Variants in KMT2A observed in about 807,000 individuals in gnomAD.
KMT2A encodes the protein histone-lysine N-methyltransferase 2A.
In KMT2A, 16 loss-of-function variants were observed where a neutral mutation model predicts 345.3. The observed-to-expected ratio is 0.05, with a 90% CI of 0.03 to 0.07. KMT2A has a LOEUF of 0.07. KMT2A is among the 10% of genes least tolerant of loss of function. The pLI is 1.00. For synonymous variants in KMT2A, 1,599 were observed against 1,778.6 expected, an observed-to-expected ratio of 0.90 and a Z score of 2.54; for missense variants, 3,272 against 4,841.6, an observed-to-expected ratio of 0.68 and a Z score of 9.62.
At chr11:118,470,162 C>T (rs1340731870) in intron 2 of KMT2A, among the ~76,000 whole-genome samples, 1 of 152,178 alleles carries the variant, frequency 6.6e-6, no homozygotes, top group Non-Finnish European at 1.5e-5. Context: ...TTCTACTTAT[C>T]TACCAAAAGA....
intron 1 of KMT2A, among the ~76,000 whole-genome samples, chr11:118,443,540 C>T (rs1949356965): frequency 6.6e-6 from 1 of 152,148 alleles, no homozygotes; most frequent in Non-Finnish European, 1.5e-5. Flanking sequence ...TGATATAAAT[C>T]CCCTTGAAGG....
Position 118,489,892 on chromosome 11 carries a change from G to A in KMT2A, c.4575+5G>A. ...ACAAAGAAGAAGAAAGTCTGGGTGA[G>A]TTATACACATGATGCTCTTTTATAG... On this transcript the variant is annotated splice_donor_5th_base_variant and intron_variant, in intron 12 of 35. Transcript: ENST00000534358. 1 of 1,611,426 alleles carries A rather than the reference G, an allele frequency of 6.2e-7. No homozygotes were observed. Among genetic ancestry groups the A allele is most frequent in the Non-Finnish European group, 8.5e-7 (1 of 1,177,536 alleles).
At chr11:118,511,333 C>T (rs1273034593) in intron 30 of KMT2A, among the ~76,000 whole-genome samples, 6 of 152,214 alleles carry the variant, frequency 3.9e-5, no homozygotes, top group Middle Eastern at 3.4e-3. Flanking sequence ...CCTAAAGATT[C>T]AGGCCTGGGT....
chr11:118,452,695 G>T (rs563073039), intron 1 of KMT2A, among the ~76,000 whole-genome samples: 92 of 148,288 alleles, frequency 6.2e-4, no homozygotes, highest in African/African-American at 2.2e-3. Flanking sequence ...GTGCAGTGGC[G>T]CCATCTCGGC....
rs535847778 is a variant in KMT2A, at chr11:118,504,216, T to C, written c.8324T>C (p.Val2775Ala). 2.5e-6 allele frequency: 4 copies of C among 1,614,156 alleles called. No homozygotes were observed. Among genetic ancestry groups the C allele is most frequent in the East Asian group, 2.2e-5 (1 of 44,888 alleles). Residue 2775 changes from valine to alanine, a missense_variant, in exon 27 of 36, where the codon GTT becomes GCT. Physicochemically the swap from Val to Ala is moderately conservative, Grantham distance 64. Around this residue, in one of 27 missense-constraint regions of KMT2A, gnomAD observed 100 missense variants for 101.3 expected, o/e 0.99. Coordinates refer to ENST00000534358, the MANE Select transcript of KMT2A (RefSeq NM_001197104.2). This position sits in a 1 kb window ranked among gnomAD's most constrained non-coding sequence, Gnocchi z 6.4. The stretch of plus-strand genomic sequence containing the variant: ...AAAGAACATGTCACTAAGAGTTCTG[T>C]TGGCCACAAAAATGAGCCAAAGATG... The part of the protein sequence containing the change: ...GEKEHVTKSS[V>A]GHKNEPKMDN...
At chr11:118,481,037 C>T (rs1555039035) in intron 6 of KMT2A, among the ~76,000 whole-genome samples, 1 of 152,150 alleles carries the variant, frequency 6.6e-6, no homozygotes, top group Admixed American at 6.5e-5. Flanking sequence ...GTAATAATCA[C>T]ATCAGGGTAC....
At chr11:118,466,562 T>A (rs997484702) in intron 1 of KMT2A, among the ~76,000 whole-genome samples, 1 of 152,138 alleles carries the variant, frequency 6.6e-6, no homozygotes, top group Non-Finnish European at 1.5e-5. Context: ...CGCCTGTAAA[T>A]CCCAGCACTT....
chr11:118,477,299 G>A lies in KMT2A; in HGVS notation c.3334+317G>A, dbSNP rs977447427. 1.9e-4 allele frequency among the ~76,000 whole-genome samples: 29 copies of A among 152,198 alleles called. 1 individual carries two copies. Among genetic ancestry groups the A allele is most frequent in the East Asian group, 1.9e-4 (1 of 5,188 alleles). On this transcript the variant is annotated intron_variant, in intron 4 of 35. Coordinates refer to ENST00000534358, the MANE Select transcript of KMT2A (RefSeq NM_001197104.2). ...TTGGCAAAGCTGTCCAGGAGTCTTT[G>A]AGTAAAAGTGGACTGTCAGGGGAGT...
Position 118,495,151 on chromosome 11 carries a change from T to G in KMT2A, c.5363+384T>G, listed in dbSNP as rs778180072. 6.0e-5 allele frequency among the ~76,000 whole-genome samples: 9 copies of G among 150,876 alleles called. No individual in the cohort carries two copies. The highest frequency in any genetic ancestry group is 1.9e-4 in the East Asian group (1 of 5,172). ...CCAGTAAATTCTTTTGATTTGATTT[T>G]ATTTATTTATTTATTTTTTTTTTTT... is the stretch of plus-strand genomic sequence containing the variant. On this transcript the variant is annotated intron_variant, in intron 18 of 35. Transcript: ENST00000534358. This position sits in a 1 kb window ranked among gnomAD's most constrained non-coding sequence, Gnocchi z 4.1.
In KMT2A at chr11:118,503,310, C is replaced by T. The variant is rs2134391778; in HGVS notation, c.7418C>T (p.Thr2473Ile). 1 of 1,614,062 alleles carries T rather than the reference C, an allele frequency of 6.2e-7. No individual in the cohort carries two copies. The highest frequency in any genetic ancestry group is 1.1e-5 in the South Asian group (1 of 91,076). Residue 2473 changes from threonine to isoleucine, a missense_variant, in exon 27 of 36, where the codon ACT (threonine) becomes ATT (isoleucine). Physicochemically the swap from Thr to Ile is moderately conservative, Grantham distance 89. Around this residue, in one of 27 missense-constraint regions of KMT2A, gnomAD observed 445 missense variants for 500.9 expected, o/e 0.89. Coordinates refer to ENST00000534358, the MANE Select transcript of KMT2A (RefSeq NM_001197104.2). This position sits in a 1 kb window ranked among gnomAD's most constrained non-coding sequence, Gnocchi z 5.3. ...CCAGAGTTTATGGATGAGGTTTTGA[C>T]TCCTGAGTATATGGGCCAACGACCA... ...LKPEFMDEVL[T>I]PEYMGQRPCN...
At chr11:118,483,470 C>T (rs1181759161) in intron 8 of KMT2A, among the ~76,000 whole-genome samples, 3 of 152,104 alleles carry the variant, frequency 2.0e-5, no homozygotes, top group Non-Finnish European at 2.9e-5. Flanking sequence ...GGGGCGGAGC[C>T]TGCAGTGAGC....
In KMT2A at chr11:118,476,895, C is replaced by A. The variant is rs782451966; in HGVS notation, c.3247C>A (p.Arg1083=). Reference sequence around the variant, plus strand: ...AGCAGCTGTTGCCCTTGGCCGAAAACGAGCTGTGTTTCCTGATGACATGCC... The same window carrying A: ...AGCAGCTGTTGCCCTTGGCCGAAAAAGAGCTGTGTTTCCTGATGACATGCC... ...RRAAVALGRK[R]AVFPDDMPTL... is the part of the protein sequence containing the mutation. Residue 1083 remains arginine (R), a synonymous_variant, in exon 4 of 36, where the codon CGA becomes AGA. Coordinates refer to ENST00000534358, the MANE Select transcript of KMT2A (RefSeq NM_001197104.2). The surrounding 1 kb of genome is among the most constrained non-coding windows in gnomAD (Gnocchi z 4.1). 2 of 1,614,172 alleles carry A rather than the reference C, an allele frequency of 1.2e-6. No individual in the cohort carries two copies. Among genetic ancestry groups the A allele is most frequent in the Non-Finnish European group, 1.7e-6 (2 of 1,180,026 alleles).
chr11:118,472,215 T>C lies in KMT2A; in HGVS notation c.1056T>C (p.Pro352=). 2 of 1,613,860 alleles carry C rather than the reference T, an allele frequency of 1.2e-6. No individual in the cohort carries two copies. The highest frequency in any genetic ancestry group is 1.7e-6 in the Non-Finnish European group (2 of 1,179,986). Reference sequence around the variant, plus strand: ...ATAAGACAGTTGTCAGACAAAGCCCTCGAAGGATTAAGCCAGTTAGGATTA... The same window carrying C: ...ATAAGACAGTTGTCAGACAAAGCCCCCGAAGGATTAAGCCAGTTAGGATTA... ...KEDKTVVRQS[P]RRIKPVRIIP... is the part of the protein sequence containing the mutation. Residue 352 remains proline (P), a synonymous_variant, in exon 3 of 36, where the codon CCT becomes CCC. Transcript: ENST00000534358.
intron 1 of KMT2A, among the ~76,000 whole-genome samples, chr11:118,445,094 A>G (rs1319666844): frequency 2.0e-5 from 3 of 152,124 alleles, no homozygotes; most frequent in African/African-American, 7.2e-5. Flanking sequence ...TTTTTATTAC[A>G]TTAAGTTATA....
At position 118,504,174 on chromosome 11, in the gene KMT2A, C is replaced by T. The variant is rs781816513; in HGVS notation, c.8282C>T (p.Pro2761Leu). 2 of 1,614,092 alleles carry T rather than the reference C, an allele frequency of 1.2e-6. No individual in the cohort carries two copies. The highest frequency in any genetic ancestry group is 1.7e-5 in the Admixed American group (1 of 60,000). ...NGTENLKIDR[P>L]EDAGEKEHVT... ...ACAGAGAACTTAAAGATTGATAGAC[C>T]TGAAGATGCTGGGGAGAAAGAACAT... Residue 2761 changes from proline (P) to leucine (L), a missense_variant, in exon 27 of 36, where the codon CCT (proline) becomes CTT (leucine). Around this residue, in one of 27 missense-constraint regions of KMT2A, gnomAD observed 100 missense variants for 101.3 expected, o/e 0.99. Coordinates refer to ENST00000534358, the MANE Select transcript of KMT2A (RefSeq NM_001197104.2). The surrounding 1 kb of genome is among the most constrained non-coding windows in gnomAD (Gnocchi z 6.4).
At chr11:118,499,174 GT>G (rs1360015116) in intron 22 of KMT2A, 128 bp from the exon 23 acceptor site, 1 of 694,644 alleles carries the variant, frequency 1.4e-6, no homozygotes, top group East Asian at 2.5e-5. Flanking sequence ...ATACAGAAGT[GT>G]CCTGCTAAGT....
In KMT2A at chr11:118,495,956, A is replaced by G; in HGVS notation, c.5557+63A>G. 7.5e-7 allele frequency: 1 copy of G among 1,342,080 alleles called. No homozygotes were observed. Among genetic ancestry groups the G allele is most frequent in the Non-Finnish European group, 1.0e-6 (1 of 969,036 alleles). 83.1% of individuals were successfully genotyped at this position (1,342,080 alleles called of 1,614,324 possible). A position where few individuals can be genotyped will look rare whatever the true frequency, so the allele number is the denominator to read the frequency against. On this transcript the variant is annotated intron_variant, in intron 19 of 35. Transcript: ENST00000534358. This position sits in a 1 kb window ranked among gnomAD's most constrained non-coding sequence, Gnocchi z 4.1. ...CTAGATGCAGATGATTGACTTCGTG[A>G]ATCCAATTCACTAAAATTAGATATA...
chr11:118,484,252 G>A lies in KMT2A; in HGVS notation c.4156G>A (p.Gly1386Ser). ...GAACATCCTCAGCACTCTCTCCAATGGCAATAGTTCTAAGCAAAAAATTCC... is the reference window on the plus strand; with the variant it reads ...GAACATCCTCAGCACTCTCTCCAATAGCAATAGTTCTAAGCAAAAAATTCC... ...TLNILSTLSNGNSSKQKIPAD... is the reference protein window; with the variant it reads ...TLNILSTLSNSNSSKQKIPAD... Residue 1386 changes from glycine (G) to serine (S), a missense_variant, in exon 9 of 36, where the codon GGC becomes AGC. By Grantham distance (56) the Gly-to-Ser change is moderately conservative (BLOSUM62 0). Transcript: ENST00000534358. The surrounding 1 kb of genome is among the most constrained non-coding windows in gnomAD (Gnocchi z 4.1). 2 of 1,614,104 alleles carry A rather than the reference G, an allele frequency of 1.2e-6. No homozygotes were observed. The highest frequency in any genetic ancestry group is 1.7e-6 in the Non-Finnish European group (2 of 1,180,012).
chr11:118,453,480 CCCT>C, intron 1 of KMT2A, among the ~76,000 whole-genome samples: 1 of 152,024 alleles, frequency 6.6e-6, no homozygotes, highest in South Asian at 2.1e-4. Flanking sequence ...TGTATGGCTT[CCCT>C]CCTCTGCTTA....
Sources: allele counts gnomAD v4.1 joint callset (sites outside exome capture counted in the v4.1 genomes callset), GRCh38; gene constraint gnomAD v4.1.1; regional missense constraint gnomAD v4.1.1; non-coding constraint Gnocchi (gnomAD v3.1); transcripts MANE v1.5; gene names NCBI Gene and HGNC (gene_info 2026-07-23, HGNC 2026-07-21).